The following AQP9 variants were observed in gnomAD, a reference collection of about 807,000 sequenced individuals.
AQP9 encodes aquaporin-9.
A neutral mutation model predicts 23.8 loss-of-function variants in AQP9; 19 were observed. The ratio of observed to expected loss-of-function variants is 0.80; its 90% CI spans 0.56 to 1.17. AQP9 has a LOEUF of 1.17. Among genes scored for constraint, AQP9 ranks in the 50% most tolerant of loss-of-function variants. The pLI is 0.00. For synonymous variants in AQP9, 153 were observed against 131.5 expected (o/e 1.16, Z -1.12); for missense variants, 413 against 362.0 (o/e 1.14, Z -1.14).
chr15:58,155,155 A>G (rs982374013), intron 1 of AQP9: 1 of 152,248 alleles, frequency 6.6e-6, no homozygotes, highest in African/African-American at 2.4e-5. Context: ...CTTCTCTTCA[A>G]TCACCAATAT....
intron 1 of AQP9, among the ~76,000 whole-genome samples, chr15:58,154,786 A>G (rs1335371905): frequency 6.6e-6 from 1 of 152,118 alleles, no homozygotes; most frequent in African/African-American, 2.4e-5. Flanking sequence ...AGCACCACTA[A>G]TAATTAACCC....
rs1898962870 is a variant in AQP9 at position 58,184,216 on chromosome 15, G to T, written c.*81G>T. The T allele has an allele frequency of 6.2e-6, 9 of 1,457,302 alleles. 1 individual carries two copies. The South Asian group carries it at 1.2e-4, about 19-fold the overall frequency. The allele number at this position is 1,457,302 out of a possible 1,614,324, so 90.3% of individuals were successfully genotyped here. On this transcript the variant is annotated 3_prime_UTR_variant, in exon 6 of 6. Transcript: ENST00000219919. ...CATCTAAGTGTCTGTGTTCTTGTAA[G>T]CCTGAGGTGGAATCCACCCAGTTTT... is the stretch of plus-strand genomic sequence containing the variant.
intron 4 of AQP9, among the ~76,000 whole-genome samples, chr15:58,175,919 G>A (rs760838447): frequency 1.4e-4 from 22 of 152,160 alleles, no homozygotes; most frequent in Non-Finnish European, 2.5e-4. Context: ...TATGTGCTTG[G>A]CCCTTTGTCT....
At chr15:58,175,845 GC>G (rs1485975818) in intron 4 of AQP9, among the ~76,000 whole-genome samples, 1 of 152,166 alleles carries the variant, frequency 6.6e-6, no homozygotes, top group African/African-American at 2.4e-5. Flanking sequence ...CATGTCCTCA[GC>G]TTTTTTACTT....
At chr15:58,168,134 T>G (rs534280094) in intron 2 of AQP9, among the ~76,000 whole-genome samples, 45 of 152,118 alleles carry the variant, frequency 3.0e-4, no homozygotes, top group Non-Finnish European at 5.0e-4. Flanking sequence ...CAATTCTACC[T>G]TCTGCCACCT....
rs1337131938 is a variant in AQP9, at chr15:58,183,943, T to C, written c.714-18T>C. 1.2e-6 allele frequency: 2 copies of C among 1,613,062 alleles called. No homozygotes were observed. Among genetic ancestry groups the C allele is most frequent in the African/African-American group, 2.7e-5 (2 of 74,846 alleles). On this transcript the variant is annotated intron_variant, in intron 5 of 5. Transcript: ENST00000219919. ...GGAAGGCCAAGAAATGTATCACTAA[T>C]TTCTTGTTTGATTTCAGAGCTGGAA...
In AQP9 at chr15:58,172,137, G is replaced by A. The variant is rs144811870; in HGVS notation, c.239-931G>A. 7.9e-4 allele frequency among the ~76,000 whole-genome samples: 121 copies of A among 152,312 alleles called. 2 individuals are homozygous for A. In the East Asian group the frequency reaches 0.016, roughly 20 times the overall value. ...CAGAAAACACAGGCTCTAGAATTCAGATAAACCTGAATCTGAATCCTGGTT... is the reference window on the plus strand; with the variant it reads ...CAGAAAACACAGGCTCTAGAATTCAAATAAACCTGAATCTGAATCCTGGTT... On this transcript the variant is annotated intron_variant, in intron 2 of 5. Coordinates refer to ENST00000219919, the MANE Select transcript of AQP9 (RefSeq NM_020980.5).
intron 1 of AQP9, among the ~76,000 whole-genome samples, chr15:58,143,021 T>G (rs141129352): frequency 3.9e-5 from 6 of 152,304 alleles, no homozygotes; most frequent in African/African-American, 1.4e-4. Flanking sequence ...GCCTGACTCT[T>G]GCATCATTCA....
chr15:58,176,639 T>C (rs1322984798), intron 4 of AQP9, among the ~76,000 whole-genome samples: 9 of 148,692 alleles, frequency 6.1e-5, no homozygotes, highest in African/African-American at 2.2e-4. Flanking sequence ...TTTTTAAGAC[T>C]GAGCCTGTTG....
At chr15:58,180,692 G>C (rs773589057) in intron 5 of AQP9, among the ~76,000 whole-genome samples, 2 of 152,140 alleles carry the variant, frequency 1.3e-5, no homozygotes, top group Non-Finnish European at 2.9e-5. Context: ...CTGTTCCCCA[G>C]GGCATTTTTG....
At chr15:58,174,819 C>A (rs1294935930) in intron 3 of AQP9, 99 bp from the exon 4 acceptor site, 1 of 971,738 alleles carries the variant, frequency 1.0e-6, no homozygotes, top group Non-Finnish European at 1.6e-6. Flanking sequence ...CTATGCCAAG[C>A]TCAATCTGAG....
At chr15:58,182,141 T>C (rs1408795367) in intron 5 of AQP9, among the ~76,000 whole-genome samples, 5 of 152,186 alleles carry the variant, frequency 3.3e-5, no homozygotes, top group Admixed American at 3.3e-4. Context: ...GGTTTTTCCT[T>C]TAAATGTTAA....
At chr15:58,146,731 G>A (rs563380249) in intron 1 of AQP9, 2 of 152,282 alleles carry the variant, frequency 1.3e-5, no homozygotes, top group South Asian at 2.1e-4. Context: ...GAGCAGGTTT[G>A]CATTTGCTTC....
At chr15:58,159,537 G>T (rs763023336) in intron 1 of AQP9, among the ~76,000 whole-genome samples, 1 of 151,924 alleles carries the variant, frequency 6.6e-6, no homozygotes, top group Non-Finnish European at 1.5e-5. Flanking sequence ...TTTTCTTCTG[G>T]TGACTTTGAA....
chr15:58,156,631 G>T (rs1207001816), intron 1 of AQP9, among the ~76,000 whole-genome samples: 1 of 152,160 alleles, frequency 6.6e-6, no homozygotes. Context: ...TAAATAGCAT[G>T]CAGTTTATAT....
At chr15:58,147,753 G>T (rs1421842929) in intron 1 of AQP9, among the ~76,000 whole-genome samples, 1 of 151,918 alleles carries the variant, frequency 6.6e-6, no homozygotes, top group Non-Finnish European at 1.5e-5. Context: ...AAAAAATGGG[G>T]GTGCATCTAT....
intron 3 of AQP9, 22 bp downstream of exon 3, chr15:58,173,227 T>C: frequency 1.2e-6 from 2 of 1,613,830 alleles, no homozygotes; most frequent in Non-Finnish European, 8.5e-7. Context: ...CCCTGAGTCC[T>C]AAGGTTAGGA....
At chr15:58,142,950 C>G (rs1312307963) in intron 1 of AQP9, among the ~76,000 whole-genome samples, 1 of 152,124 alleles carries the variant, frequency 6.6e-6, no homozygotes, top group Non-Finnish European at 1.5e-5. Flanking sequence ...GTTTGTCTGT[C>G]CAAGTCGTGC....
intron 1 of AQP9, chr15:58,156,100 T>G (rs529738431): frequency 6.6e-6 from 1 of 152,276 alleles, no homozygotes; most frequent in East Asian, 1.9e-4. Flanking sequence ...TCCGGTCTTG[T>G]AAACCAGAAA....
Sources: allele counts gnomAD v4.1 joint callset (sites outside exome capture counted in the v4.1 genomes callset), GRCh38; gene constraint gnomAD v4.1.1; transcripts MANE v1.5; gene names NCBI Gene and HGNC (gene_info 2026-07-23, HGNC 2026-07-21).